Variants in SLK observed in about 807,000 individuals in gnomAD.
The protein encoded by SLK is STE20 like kinase, also known as STE20-like serine/threonine-protein kinase.
SLK carries 67 observed loss-of-function variants against 147.7 expected under a neutral mutation model. The observed-to-expected ratio is 0.45, with a 90% CI of 0.37 to 0.56. The LOEUF (loss-of-function observed/expected upper bound fraction) is 0.56, where lower values mean the gene tolerates loss of function less well. Among genes scored for constraint, SLK ranks in the 20% least tolerant of loss-of-function variants. The pLI is 0.00. For missense variants in SLK, 1,136 were observed against 1,438.8 expected (o/e 0.79, Z 3.41); for synonymous variants, 441 against 475.0 (o/e 0.93, Z 0.93).
Position 104,019,738 on chromosome 10 carries a change from C to T in SLK, c.3137C>T (p.Thr1046Ile). 1 of 1,612,618 alleles carries T rather than the reference C, an allele frequency of 6.2e-7. No individual in the cohort carries two copies. Among genetic ancestry groups the T allele is most frequent in the Non-Finnish European group, 8.5e-7 (1 of 1,178,902 alleles). Residue 1046 changes from threonine (T) to isoleucine (I), a missense_variant, in exon 16 of 19, where the codon ACA becomes ATA. Thr to Ile is a moderately conservative substitution (Grantham distance 89). Coordinates refer to ENST00000369755, the MANE Select transcript of SLK (RefSeq NM_014720.4). Reference sequence around the variant, plus strand: ...TTCTATTTAAAACTTTCATAGGAAACAGAGCAAATGCAGCGTTACAATCAA... The same window carrying T: ...TTCTATTTAAAACTTTCATAGGAAATAGAGCAAATGCAGCGTTACAATCAA... ...HQLLKRHEKE[T>I]EQMQRYNQRL...
At chr10:103,984,806 G>T (rs1217627955) in intron 1 of SLK, among the ~76,000 whole-genome samples, 1 of 152,090 alleles carries the variant, frequency 6.6e-6, no homozygotes, top group Non-Finnish European at 1.5e-5. Context: ...AAAATTGTAA[G>T]TACCCCAGCA....
chr10:103,980,836 A>G (rs756332329), intron 1 of SLK, among the ~76,000 whole-genome samples: 1 of 152,144 alleles, frequency 6.6e-6, no homozygotes, highest in Non-Finnish European at 1.5e-5. Flanking sequence ...TTTTTAGGGT[A>G]TATACCCAGG....
intron 4 of SLK, among the ~76,000 whole-genome samples, chr10:103,996,988 C>T (rs1309091580): frequency 1.3e-5 from 2 of 151,906 alleles, no homozygotes; most frequent in Non-Finnish European, 2.9e-5. Context: ...AAGTACATTC[C>T]CATTATTATA....
intron 18 of SLK, among the ~76,000 whole-genome samples, chr10:104,024,940 C>T (rs1179092374): frequency 6.6e-6 from 1 of 152,196 alleles, no homozygotes; most frequent in East Asian, 1.9e-4. Flanking sequence ...GACCTCATCC[C>T]TTCTCAGAGG....
rs142329387 is a variant in SLK at position 103,969,474 on chromosome 10, C to T, written c.150+1579C>T. On this transcript the variant is annotated intron_variant, in intron 1 of 18. Transcript: ENST00000369755. Reference sequence around the variant, plus strand: ...TATGTTTCTATAATAAAATTAAGGGCCAAAATTATGATACATATTTGGGTT... The same window carrying T: ...TATGTTTCTATAATAAAATTAAGGGTCAAAATTATGATACATATTTGGGTT... 3.0e-3 allele frequency among the ~76,000 whole-genome samples: 459 copies of T among 152,214 alleles called. 1 individual carries two copies. Among genetic ancestry groups the T allele is most frequent in the Middle Eastern group, 6.8e-3 (2 of 294 alleles).
In SLK at chr10:104,021,684, A is replaced by G. The variant is rs199725906; in HGVS notation, c.3512A>G (p.His1171Arg). The stretch of plus-strand genomic sequence containing the variant: ...AAACTGAAGGAGTTAGATGAGGAAC[A>G]TAGCCAAGAATTAAAGGAGTGGAGA... Reference protein sequence around the residue: ...TQKLKELDEEHSQELKEWREK... With the variant: ...TQKLKELDEERSQELKEWREK... Residue 1171 changes from histidine to arginine, a missense_variant, in exon 18 of 19, where the codon CAT becomes CGT. This residue lies in a region of SLK where 327 missense variants were observed against 457.5 expected (regional missense o/e 0.71). Transcript: ENST00000369755. 6.2e-7 allele frequency: 1 copy of G among 1,611,034 alleles called. No homozygotes were observed. Among genetic ancestry groups the G allele is most frequent in the South Asian group, 1.1e-5 (1 of 90,682 alleles).
At chr10:103,969,849 A>G (rs796622309) in intron 1 of SLK, among the ~76,000 whole-genome samples, 3 of 152,350 alleles carry the variant, frequency 2.0e-5, no homozygotes, top group African/African-American at 7.2e-5. Flanking sequence ...TTCACCCATT[A>G]AAGTTCTGTG....
chr10:103,999,027 C>G (rs902660995), intron 5 of SLK, 56 bp downstream of exon 5: 2 of 1,531,732 alleles, frequency 1.3e-6, no homozygotes, highest in African/African-American at 1.4e-5. Context: ...GTTATAATTA[C>G]TCATGAATTT....
rs564855300 is a variant in SLK at position 104,003,070 on chromosome 10, A to G, written c.1892A>G (p.Asn631Ser). The part of the protein sequence containing the change: ...INSSENIMDI[N>S]EEPGTTEGEE... ...AGTTCAGAGAACATAATGGACATCA[A>G]TGAGGAACCAGGAACAACTGAAGGT... is the stretch of plus-strand genomic sequence containing the variant. The change falls in exon 9 of 19, where the codon AAT (asparagine) becomes AGT (serine). Residue 631 changes from asparagine to serine, a missense_variant. Physicochemically the swap from Asn to Ser is conservative, Grantham distance 46. Coordinates refer to ENST00000369755, the MANE Select transcript of SLK (RefSeq NM_014720.4). 37 of 1,614,054 alleles carry G rather than the reference A, an allele frequency of 2.3e-5. No individual in the cohort carries two copies. The highest frequency in any genetic ancestry group is 5.0e-5 in the Admixed American group (3 of 60,018).
intron 13 of SLK, among the ~76,000 whole-genome samples, chr10:104,015,656 G>T (rs1441261602): frequency 6.7e-6 from 1 of 149,700 alleles, no homozygotes; most frequent in African/African-American, 2.4e-5. Context: ...CATTTACTAA[G>T]TGCTTAATAA....
At chr10:104,003,832 A>G (rs1844288329) in intron 9 of SLK, among the ~76,000 whole-genome samples, 1 of 152,196 alleles carries the variant, frequency 6.6e-6, no homozygotes, top group South Asian at 2.1e-4. Flanking sequence ...AAGAATCAAC[A>G]ATGTATGAGA....
intron 4 of SLK, among the ~76,000 whole-genome samples, chr10:103,998,048 A>G (rs756802492): frequency 5.3e-5 from 8 of 152,186 alleles, no homozygotes; most frequent in Non-Finnish European, 8.8e-5. Context: ...ACACAGATAT[A>G]TAGAACAATC....
rs183979099 is a variant in SLK at position 103,972,817 on chromosome 10, T to C, written c.150+4922T>C. On this transcript the variant is annotated intron_variant, in intron 1 of 18. Coordinates refer to ENST00000369755, the MANE Select transcript of SLK (RefSeq NM_014720.4). Reference sequence around the variant, plus strand: ...CACAGATTACTAAAAGTAATTCTTTTAATATGTTTTTGGTAATTTGAATTT... The same window carrying C: ...CACAGATTACTAAAAGTAATTCTTTCAATATGTTTTTGGTAATTTGAATTT... 6.9e-3 allele frequency among the ~76,000 whole-genome samples: 1,053 copies of C among 152,372 alleles called. 2 individuals carry two copies. Among genetic ancestry groups the C allele is most frequent in the Middle Eastern group, 0.014 (4 of 294 alleles).
At chr10:104,021,518 C>T (rs1844533465) in intron 17 of SLK, 102 bp from the exon 18 acceptor site, 5 of 639,556 alleles carry the variant, frequency 7.8e-6, no homozygotes, top group African/African-American at 1.9e-5. Flanking sequence ...TCAGTAATAG[C>T]ATGATATTTG....
chr10:104,021,701 G>A lies in SLK; in HGVS notation c.3529G>A (p.Glu1177Lys). ...LDEEHSQELK[E>K]WREKLRPRKK... ...TGAGGAACATAGCCAAGAATTAAAG[G>A]AGTGGAGAGAGAAATTGAGACCTAG... The change falls in exon 18 of 19, where the codon GAG becomes AAG. Residue 1177 changes from glutamate to lysine, a missense_variant. By Grantham distance (56) the Glu-to-Lys change is moderately conservative. Around this residue, in one of 6 missense-constraint regions of SLK, gnomAD observed 327 missense variants for 457.5 expected, o/e 0.71. Transcript: ENST00000369755. The A allele has an allele frequency of 6.2e-7, 1 of 1,605,064 alleles. No homozygotes were observed. The highest frequency in any genetic ancestry group is 8.5e-7 in the Non-Finnish European group (1 of 1,172,646).
intron 1 of SLK, among the ~76,000 whole-genome samples, chr10:103,969,390 C>A (rs2134436073): frequency 6.6e-6 from 1 of 152,348 alleles, no homozygotes; most frequent in African/African-American, 2.4e-5. Flanking sequence ...TGTGTGCTTT[C>A]AGAACACGTT....
chr10:103,990,544 A>C, intron 1 of SLK, 131 bp from the exon 2 acceptor site: 1 of 512,848 alleles, frequency 1.9e-6, no homozygotes, highest in South Asian at 3.4e-5. Flanking sequence ...CTCTTGACAC[A>C]CTATTTTTAA....
rs1231394217 is a variant in SLK, at chr10:104,018,878, A to G, written c.3102A>G (p.Gln1034=). ...KQQLKDQYFM[Q]RHQLLKRHEK... ...AGCTTAAAGATCAGTATTTCATGCA[A>G]AGACATCAGCTACTTAAGCGCCACG... Residue 1034 remains glutamine (Q), a synonymous_variant, in exon 15 of 19, where the codon CAA becomes CAG. Transcript: ENST00000369755. 7 of 1,607,088 alleles carry G rather than the reference A, an allele frequency of 4.4e-6. No individual in the cohort carries two copies. The East Asian group carries it at 6.7e-5, about 15-fold the overall frequency.
intron 13 of SLK, among the ~76,000 whole-genome samples, chr10:104,015,622 C>T (rs1231852051): frequency 1.3e-5 from 2 of 152,142 alleles, no homozygotes; most frequent in African/African-American, 4.8e-5. Flanking sequence ...ATTTTAGTAA[C>T]CTTCTAAGTA....
Sources: gnomAD v4.1 joint callset for allele counts (sites outside exome capture counted in the v4.1 genomes callset) on GRCh38, gnomAD v4.1.1 for gene constraint, gnomAD v4.1.1 regional missense constraint, MANE v1.5 for transcripts, NCBI Gene and HGNC (gene_info 2026-07-23, HGNC 2026-07-21) for gene names.